The following PPP3CB variants were observed in gnomAD, a reference collection of about 807,000 sequenced individuals.
The protein encoded by PPP3CB is serine/threonine-protein phosphatase 2B catalytic subunit beta isoform.
PPP3CB carries 8 observed loss-of-function variants against 66.4 expected under a neutral mutation model. The observed-to-expected ratio is 0.12, with a 90% CI of 0.07 to 0.22. PPP3CB has a LOEUF of 0.22. Ranked by LOEUF, PPP3CB falls within the 10% of genes least tolerant of loss-of-function variation. The pLI is 1.00. For missense variants in PPP3CB, 319 were observed against 642.5 expected, an observed-to-expected ratio of 0.50 and a Z score of 5.44; for synonymous variants, 208 against 221.2, an observed-to-expected ratio of 0.94 and a Z score of 0.53.
rs1386598733 is a variant in PPP3CB, at chr10:73,437,313, C to G, written c.*929G>C. 6.6e-6 allele frequency: 1 copy of G among 152,644 alleles called. No individual in the cohort carries two copies. Among genetic ancestry groups the G allele is most frequent in the Non-Finnish European group, 1.5e-5 (1 of 68,038 alleles). 9.5% of individuals were successfully genotyped at this position (152,644 alleles called of 1,614,324 possible). ...GCTCTCTAAGCAACTTGAGTACTCA[C>G]AATAAACTAAAATTTCTCATAACAT... On this transcript the variant is annotated 3_prime_UTR_variant, in exon 14 of 14. Coordinates refer to ENST00000360663, the MANE Select transcript of PPP3CB (RefSeq NM_021132.4).
intron 12 of PPP3CB, chr10:73,444,418 G>A (rs1426521242): frequency 3.1e-5 from 21 of 677,628 alleles, no homozygotes; most frequent in Non-Finnish European, 3.7e-5. Flanking sequence ...AAAGAAAAGG[G>A]TGAATTAGAC....
chr10:73,480,241 T>C (rs2056852038), intron 1 of PPP3CB, among the ~76,000 whole-genome samples: 2 of 151,866 alleles, frequency 1.3e-5, no homozygotes. Context: ...CTACCTTACT[T>C]AACGTTTCAC....
Position 73,461,921 on chromosome 10 carries a change from T to C in PPP3CB, c.1108+5632A>G, listed in dbSNP as rs1758143024. 2.0e-5 allele frequency among the ~76,000 whole-genome samples: 3 copies of C among 152,266 alleles called. No individual in the cohort carries two copies. In the South Asian group the frequency reaches 6.2e-4, roughly 32 times the overall value. On this transcript the variant is annotated intron_variant, in intron 9 of 13. Coordinates refer to ENST00000360663, the MANE Select transcript of PPP3CB (RefSeq NM_021132.4). Reference sequence around the variant, plus strand: ...TAGTTTAGCACCATCCCTTTGGTGCTGTCCTCACGATAGTGAGTAAATTCT... The same window carrying C: ...TAGTTTAGCACCATCCCTTTGGTGCCGTCCTCACGATAGTGAGTAAATTCT...
chr10:73,451,932 A>G (rs1040812744), intron 10 of PPP3CB, among the ~76,000 whole-genome samples: 2 of 151,688 alleles, frequency 1.3e-5, no homozygotes, highest in African/African-American at 4.8e-5. Flanking sequence ...TTTTTGGTAG[A>G]GACAGGGTTT....
intron 3 of PPP3CB, chr10:73,477,361 G>GA (rs1284119250): frequency 2.3e-6 from 1 of 431,760 alleles, no homozygotes; most frequent in Non-Finnish European, 4.5e-6. Flanking sequence ...CATTTGTAAA[G>GA]AAAAAAACTG....
intron 11 of PPP3CB, 50 bp downstream of exon 11, chr10:73,446,442 C>A: frequency 2.6e-6 from 4 of 1,542,960 alleles, no homozygotes; most frequent in Non-Finnish European, 3.6e-6. Context: ...TAACAAGGTA[C>A]AATAAACGTA....
intron 9 of PPP3CB, among the ~76,000 whole-genome samples, chr10:73,466,766 G>A (rs1351098209): frequency 6.6e-6 from 1 of 152,126 alleles, no homozygotes; most frequent in Non-Finnish European, 1.5e-5. Flanking sequence ...TAATATGGAA[G>A]AGGTGAGAAA....
In PPP3CB at chr10:73,438,952, C is replaced by T. The variant is rs1260988576; in HGVS notation, c.1397-532G>A. On this transcript the variant is annotated intron_variant, in intron 13 of 13. Transcript: ENST00000360663. ...CTTGGAGGTCAAGGTCAGCCCATCG[C>T]CACCAATATAACATTAAAAAGGTGG... Among the ~76,000 whole-genome samples the T allele has an allele frequency of 2.0e-5, 3 of 150,482 alleles. No homozygotes were observed. In the East Asian group the frequency reaches 5.8e-4, roughly 29 times the overall value.
chr10:73,468,272 A>G (rs1203878096), intron 8 of PPP3CB, among the ~76,000 whole-genome samples: 3 of 152,184 alleles, frequency 2.0e-5, no homozygotes, highest in African/African-American at 7.2e-5. Context: ...TAAAACACCA[A>G]AAGAGAATAT....
At chr10:73,452,833 T>C (rs911234009) in intron 10 of PPP3CB, among the ~76,000 whole-genome samples, 6 of 152,222 alleles carry the variant, frequency 3.9e-5, no homozygotes, top group Non-Finnish European at 7.4e-5. Context: ...TAAAAGCACA[T>C]CTCTGCCTAC....
intron 9 of PPP3CB, among the ~76,000 whole-genome samples, chr10:73,459,616 G>C (rs2056488329): frequency 6.6e-6 from 1 of 152,186 alleles, no homozygotes; most frequent in Non-Finnish European, 1.5e-5. Flanking sequence ...CCATACAATA[G>C]ACTACTATTC....
chr10:73,483,846 C>T (rs115392996), intron 1 of PPP3CB, among the ~76,000 whole-genome samples: 6,598 of 151,406 alleles, frequency 0.044, 443 homozygotes, highest in African/African-American at 0.15. Flanking sequence ...TTTTTTTCAT[C>T]AAAAACTAAT....
intron 13 of PPP3CB, among the ~76,000 whole-genome samples, chr10:73,439,125 A>T (rs1468073273): frequency 6.6e-6 from 1 of 152,198 alleles, no homozygotes; most frequent in East Asian, 1.9e-4. Flanking sequence ...TTCTCCACCA[A>T]TTGTATGGTT....
chr10:73,450,047 C>G (rs1166770614), intron 10 of PPP3CB, among the ~76,000 whole-genome samples: 1 of 152,226 alleles, frequency 6.6e-6, no homozygotes, highest in Non-Finnish European at 1.5e-5. Flanking sequence ...ATCCACCCGC[C>G]TTAGCCTCCC....
intron 8 of PPP3CB, 75 bp downstream of exon 8, chr10:73,470,612 C>T (rs1448502659): frequency 2.2e-6 from 2 of 919,830 alleles, no homozygotes; most frequent in African/African-American, 3.4e-5. Context: ...AACAACACCC[C>T]TTTTTTATTA....
At chr10:73,461,734 T>C (rs1206862105) in intron 9 of PPP3CB, among the ~76,000 whole-genome samples, 1 of 152,176 alleles carries the variant, frequency 6.6e-6, no homozygotes, top group Non-Finnish European at 1.5e-5. Flanking sequence ...GAGATGATTA[T>C]ATTTTGATAT....
At chr10:73,476,554 T>A (rs1389111019) in intron 3 of PPP3CB, among the ~76,000 whole-genome samples, 1 of 150,850 alleles carries the variant, frequency 6.6e-6, no homozygotes, top group Non-Finnish European at 1.5e-5. Flanking sequence ...GAGGCAGAGG[T>A]TGCAGTGAGC....
intron 12 of PPP3CB, 85 bp from the exon 13 acceptor site, chr10:73,439,986 T>G (rs2056120025): frequency 1.5e-6 from 2 of 1,347,550 alleles, no homozygotes; most frequent in Non-Finnish European, 2.1e-6. Context: ...CAATGATCAC[T>G]TAAAATATCA....
intron 3 of PPP3CB, among the ~76,000 whole-genome samples, chr10:73,475,743 C>T (rs1161098443): frequency 6.6e-6 from 1 of 152,076 alleles, no homozygotes; most frequent in Non-Finnish European, 1.5e-5. Context: ...ATGCTATTCT[C>T]TAAATAGATT....
Sources: gnomAD v4.1 joint callset for allele counts (sites outside exome capture counted in the v4.1 genomes callset) on GRCh38, gnomAD v4.1.1 for gene constraint, MANE v1.5 for transcripts, NCBI Gene and HGNC (gene_info 2026-07-23, HGNC 2026-07-21) for gene names.